RSU1: variants seen among roughly 807,000 people sequenced by gnomAD.
The protein encoded by RSU1 is Ras suppressor protein 1, also known as rsu-1.
RSU1 carries 26 observed loss-of-function variants against 31.1 expected under a neutral mutation model. That is an observed-to-expected ratio of 0.84 (90% CI 0.61 to 1.16). The LOEUF (loss-of-function observed/expected upper bound fraction) is 1.16, where lower values mean the gene tolerates loss of function less well. Among genes scored for constraint, RSU1 ranks in the 50% most tolerant of loss-of-function variants. The pLI is 0.00. For synonymous variants in RSU1, 164 were observed against 136.3 expected, an observed-to-expected ratio of 1.20 and a Z score of -1.41; for missense variants, 320 against 339.1, an observed-to-expected ratio of 0.94 and a Z score of 0.44.
At chr10:16,741,772 T>G (rs1399194096) in intron 7 of RSU1, among the ~76,000 whole-genome samples, 1 of 152,004 alleles carries the variant, frequency 6.6e-6, no homozygotes, top group East Asian at 1.9e-4. Context: ...AAAGGGAAGG[T>G]AGGAAGCAGG....
intron 7 of RSU1, among the ~76,000 whole-genome samples, chr10:16,698,802 G>A (rs1835730715): frequency 6.6e-6 from 1 of 152,176 alleles, no homozygotes; most frequent in Non-Finnish European, 1.5e-5. Context: ...AGGACCACAG[G>A]CTATTCACGA....
At chr10:16,676,969 T>C (rs1438495248) in intron 8 of RSU1, among the ~76,000 whole-genome samples, 1 of 152,166 alleles carries the variant, frequency 6.6e-6, no homozygotes, top group Non-Finnish European at 1.5e-5. Flanking sequence ...GCAGTAGGAA[T>C]ACTGTTAGGG....
intron 2 of RSU1, among the ~76,000 whole-genome samples, chr10:16,791,760 G>C (rs1041427846): frequency 6.6e-6 from 1 of 152,102 alleles, no homozygotes; most frequent in African/African-American, 2.4e-5. Context: ...TCTTCTTCAG[G>C]ATAAAGTAGA....
chr10:16,762,311 A>T (rs995729557), intron 4 of RSU1, among the ~76,000 whole-genome samples: 4 of 147,270 alleles, frequency 2.7e-5, no homozygotes, highest in Non-Finnish European at 6.1e-5. Context: ...TATATATATA[A>T]AATAGATATA....
chr10:16,762,885 C>T (rs565040168), intron 4 of RSU1, among the ~76,000 whole-genome samples: 2 of 151,920 alleles, frequency 1.3e-5, no homozygotes, highest in East Asian at 1.9e-4. Context: ...TGGTGGCGCA[C>T]GCCTGTAGTC....
chr10:16,604,171 G>C (rs1437554414), intron 8 of RSU1, among the ~76,000 whole-genome samples: 1 of 152,144 alleles, frequency 6.6e-6, no homozygotes, highest in African/African-American at 2.4e-5. Flanking sequence ...CCCAAAACTT[G>C]AACGTATGGG....
At chr10:16,751,593 C>G (rs1484578901) in intron 7 of RSU1, among the ~76,000 whole-genome samples, 1 of 152,214 alleles carries the variant, frequency 6.6e-6, no homozygotes, top group East Asian at 1.9e-4. Context: ...TCAGTGTTTT[C>G]TGAGCACCTA....
At chr10:16,616,692 G>C (rs995396961) in intron 8 of RSU1, among the ~76,000 whole-genome samples, 5 of 152,148 alleles carry the variant, frequency 3.3e-5, no homozygotes, top group Admixed American at 6.5e-5. Flanking sequence ...TTCACCCCTG[G>C]GATGCAAGGC....
chr10:16,649,238 C>A (rs1169361943), intron 8 of RSU1, among the ~76,000 whole-genome samples: 1 of 152,128 alleles, frequency 6.6e-6, no homozygotes, highest in African/African-American at 2.4e-5. Flanking sequence ...TCTTATGAAT[C>A]ACGAAGGCAT....
At chr10:16,597,521 GTTTC>G (rs1232127677) in intron 8 of RSU1, among the ~76,000 whole-genome samples, 5 of 152,142 alleles carry the variant, frequency 3.3e-5, no homozygotes, top group African/African-American at 9.7e-5. Context: ...CCGTGCCTCA[GTTTC>G]TTTATCTGTA....
At chr10:16,632,362 G>T (rs1160162106) in intron 8 of RSU1, among the ~76,000 whole-genome samples, 1 of 151,986 alleles carries the variant, frequency 6.6e-6, no homozygotes, top group Non-Finnish European at 1.5e-5. Context: ...TCTTTGATTG[G>T]GACTCCGTGC....
chr10:16,805,137 G>T (rs1588547784), intron 2 of RSU1, among the ~76,000 whole-genome samples: 1 of 152,076 alleles, frequency 6.6e-6, no homozygotes, highest in African/African-American at 2.4e-5. Context: ...AACCTGGGAG[G>T]CAGAGGCTGC....
chr10:16,652,947 G>A (rs76243019), intron 8 of RSU1, among the ~76,000 whole-genome samples: 28,355 of 151,898 alleles, frequency 0.19, 3,200 homozygotes, highest in South Asian at 0.37. Context: ...CCAAAGTGCC[G>A]AGATTACATG....
chr10:16,816,689 T>A (rs571301947), intron 2 of RSU1, among the ~76,000 whole-genome samples: 1 of 152,356 alleles, frequency 6.6e-6, no homozygotes, highest in Admixed American at 6.5e-5. Context: ...AAAGTGACTA[T>A]TAAGCAAACT....
intron 8 of RSU1, among the ~76,000 whole-genome samples, chr10:16,620,322 G>A (rs755306772): frequency 3.9e-5 from 6 of 152,082 alleles, no homozygotes; most frequent in South Asian, 2.1e-4. Flanking sequence ...AATTTCTCAC[G>A]GAGTTTTCTT....
chr10:16,799,355 C>A (rs1230310786), intron 2 of RSU1, among the ~76,000 whole-genome samples: 2 of 152,228 alleles, frequency 1.3e-5, no homozygotes, highest in East Asian at 3.9e-4. Context: ...CAGGGCAAAC[C>A]ACCATACCGA....
chr10:16,679,910 C>T (rs1835298556), intron 8 of RSU1, among the ~76,000 whole-genome samples: 1 of 138,060 alleles, frequency 7.2e-6, no homozygotes, highest in Non-Finnish European at 1.5e-5. Context: ...GAGACAGAGT[C>T]TCACTCTGTT....
chr10:16,665,220 C>T (rs1268353398), intron 8 of RSU1, among the ~76,000 whole-genome samples: 1 of 152,176 alleles, frequency 6.6e-6, no homozygotes, highest in East Asian at 1.9e-4. Context: ...GCTGGGATTA[C>T]AGGCATGAGC....
At chr10:16,674,436 G>C (rs960227605) in intron 8 of RSU1, among the ~76,000 whole-genome samples, 1 of 144,290 alleles carries the variant, frequency 6.9e-6, no homozygotes, top group Non-Finnish European at 1.5e-5. Context: ...TAACAGAAAT[G>C]TTTACACTGC....
Sources: allele counts gnomAD v4.1 joint callset (sites outside exome capture counted in the v4.1 genomes callset), GRCh38; gene constraint gnomAD v4.1.1; transcripts MANE v1.5; gene names NCBI Gene and HGNC (gene_info 2026-07-23, HGNC 2026-07-21).